Variants in CTPS1 observed in about 807,000 individuals in gnomAD.
The protein encoded by CTPS1 is CTP synthetase 1.
Under a neutral mutation model 80.5 loss-of-function variants are expected in CTPS1, and 25 were observed. That is an observed-to-expected ratio of 0.31 (90% CI 0.23 to 0.43). The LOEUF is 0.43. Among genes scored for constraint, CTPS1 ranks in the 20% least tolerant of loss-of-function variants. CTPS1 has a pLI of 1.00. For synonymous variants in CTPS1, 267 were observed against 252.5 expected (o/e 1.06, Z -0.54); for missense variants, 442 against 725.7 (o/e 0.61, Z 4.49).
At chr1:41,009,978 CT>C (rs1643128594) in intron 17 of CTPS1, among the ~76,000 whole-genome samples, 182 bp from the exon 18 acceptor site, 1 of 152,212 alleles carries the variant, frequency 6.6e-6, no homozygotes, top group African/African-American at 2.4e-5. Context: ...GAATGTATAT[CT>C]TTTGTAGCTA....
chr1:40,985,534 A>T (rs56770595), intron 3 of CTPS1, among the ~76,000 whole-genome samples: 9 of 152,046 alleles, frequency 5.9e-5, no homozygotes, highest in Non-Finnish European at 7.4e-5. Context: ...GTTTTGTACA[A>T]ACATTCATTT....
At chr1:40,998,630 T>C (rs1475420137) in intron 9 of CTPS1, among the ~76,000 whole-genome samples, 1 of 152,170 alleles carries the variant, frequency 6.6e-6, no homozygotes, top group Non-Finnish European at 1.5e-5. Flanking sequence ...TGGTAAGCAC[T>C]ATGTCAGCTG....
intron 3 of CTPS1, among the ~76,000 whole-genome samples, chr1:40,987,106 C>G (rs1045593900): frequency 6.6e-6 from 1 of 152,208 alleles, no homozygotes; most frequent in African/African-American, 2.4e-5. Flanking sequence ...TGCACAGGGG[C>G]ACGTGCGCCT....
chr1:40,990,526 T>C (rs1019775888), intron 5 of CTPS1, among the ~76,000 whole-genome samples: 2 of 152,122 alleles, frequency 1.3e-5, no homozygotes, highest in Admixed American at 6.6e-5. Flanking sequence ...GGCTCACACC[T>C]GTTATCTCAG....
chr1:41,007,559 CA>C lies in CTPS1; in HGVS notation c.1393+15del. ...ACTCAGTCATGAGTAAGAGCTGCCT[CA>C]CGCTGGCCCAGCCTTTGGCTCTGCG... On this transcript the variant is annotated intron_variant, in intron 14 of 18. Transcript: ENST00000650070. This position sits in a 1 kb window ranked among gnomAD's most constrained non-coding sequence, Gnocchi z 4.4. 6.2e-7 allele frequency: 1 copy of C among 1,610,290 alleles called. No homozygotes were observed.
intron 12 of CTPS1, among the ~76,000 whole-genome samples, chr1:41,004,610 C>A (rs958301494): frequency 6.6e-6 from 1 of 152,128 alleles, no homozygotes; most frequent in African/African-American, 2.4e-5. Context: ...TCACATAGTA[C>A]CAGGAACTTG....
rs375949918 is a variant in CTPS1 at position 41,007,597 on chromosome 1, C to T, written c.1393+52C>T. On this transcript the variant is annotated intron_variant, in intron 14 of 18. Coordinates refer to ENST00000650070, the MANE Select transcript of CTPS1 (RefSeq NM_001905.4). The surrounding 1 kb of genome is among the most constrained non-coding windows in gnomAD (Gnocchi z 4.4). The stretch of plus-strand genomic sequence containing the variant: ...CCTTTGGCTCTGCGTGCCCAGGACG[C>T]GTGTCTTAGGGTGATGCTGTGGCTT... The T allele has an allele frequency of 1.3e-5, 20 of 1,504,092 alleles. No individual in the cohort carries two copies. The African/African-American group carries it at 1.9e-4, about 14-fold the overall frequency. 93.2% of individuals were successfully genotyped at this position (1,504,092 alleles called of 1,614,324 possible). A position where few individuals can be genotyped will look rare whatever the true frequency, so the allele number is the denominator to read the frequency against.
intron 5 of CTPS1, among the ~76,000 whole-genome samples, chr1:40,988,987 T>C (rs1171012523): frequency 6.6e-6 from 1 of 152,230 alleles, no homozygotes; most frequent in Non-Finnish European, 1.5e-5. Flanking sequence ...AGAGGCTGTT[T>C]TTAAAGACAA....
At chr1:41,003,456 A>G (rs928239898) in intron 12 of CTPS1, among the ~76,000 whole-genome samples, 8 of 152,130 alleles carry the variant, frequency 5.3e-5, no homozygotes, top group Non-Finnish European at 8.8e-5. Context: ...CACCATCCTG[A>G]AGCTGGTGCC....
At chr1:41,002,483 A>G (rs1206926608) in intron 11 of CTPS1, among the ~76,000 whole-genome samples, 1 of 152,182 alleles carries the variant, frequency 6.6e-6, no homozygotes, top group African/African-American at 2.4e-5. Flanking sequence ...GAGAGAATGA[A>G]TTGTGAATTC....
intron 1 of CTPS1, 84 bp from the exon 2 acceptor site, chr1:40,983,194 A>T: frequency 8.6e-7 from 1 of 1,161,572 alleles, no homozygotes; most frequent in Non-Finnish European, 1.2e-6. Flanking sequence ...CATAGCTAAT[A>T]ATTGGCAGAG....
chr1:40,991,888 T>A (rs745857706), intron 7 of CTPS1, 43 bp downstream of exon 7: 3 of 1,442,994 alleles, frequency 2.1e-6, no homozygotes, highest in South Asian at 1.1e-5. Flanking sequence ...TTTTTGCTTC[T>A]AATTGTCCTA....
chr1:40,996,882 C>T (rs1020836673), intron 8 of CTPS1, among the ~76,000 whole-genome samples: 6 of 152,182 alleles, frequency 3.9e-5, no homozygotes, highest in South Asian at 2.1e-4. Flanking sequence ...CTTGCCTTCA[C>T]CCCATTAATT....
chr1:41,010,072 G>C, intron 17 of CTPS1, 89 bp from the exon 18 acceptor site: 1 of 779,336 alleles, frequency 1.3e-6, no homozygotes, highest in Non-Finnish European at 2.2e-6. Flanking sequence ...GTGCAGGCAA[G>C]TGTCCCTGTA....
intron 12 of CTPS1, chr1:41,003,944 C>T (rs1412582987): frequency 6.6e-6 from 1 of 152,330 alleles, no homozygotes; most frequent in Admixed American, 6.5e-5. Flanking sequence ...CCTAGTGGCT[C>T]ATCATTCATT....
At chr1:41,009,274 G>C (rs1291050435) in intron 16 of CTPS1, among the ~76,000 whole-genome samples, 171 bp from the exon 17 acceptor site, 1 of 152,218 alleles carries the variant, frequency 6.6e-6, no homozygotes, top group Non-Finnish European at 1.5e-5. Flanking sequence ...TGCTGAGAAA[G>C]GGTATCAGAT....
chr1:40,980,785 T>G (rs1276941099), intron 1 of CTPS1: 1 of 152,356 alleles, frequency 6.6e-6, no homozygotes, highest in African/African-American at 2.4e-5. Context: ...CATGCCAGTT[T>G]GCACATGATC....
chr1:40,987,335 A>T, intron 3 of CTPS1, 37 bp from the exon 4 acceptor site: 4 of 1,461,174 alleles, frequency 2.7e-6, no homozygotes, highest in Non-Finnish European at 3.8e-6. Context: ...ATGTAGATGG[A>T]CAAGCGTAAG....
chr1:41,010,098 A>G lies in CTPS1; in HGVS notation c.1692-63A>G, dbSNP rs531939075. Reference sequence around the variant, plus strand: ...TGTCCCTGTAGGAACCGTGGTTACAAAAACAGGGACGTAAAGTGAGTTTTT... The same window carrying G: ...TGTCCCTGTAGGAACCGTGGTTACAGAAACAGGGACGTAAAGTGAGTTTTT... On this transcript the variant is annotated intron_variant, in intron 17 of 18. Transcript: ENST00000650070. The G allele has an allele frequency of 8.0e-4, 958 of 1,202,954 alleles. 16 individuals are homozygous for G. In the South Asian group the frequency reaches 0.012, roughly 15 times the overall value. 74.5% of individuals were successfully genotyped at this position (1,202,954 alleles called of 1,614,324 possible).
Sources: allele counts gnomAD v4.1 joint callset (sites outside exome capture counted in the v4.1 genomes callset), GRCh38; gene constraint gnomAD v4.1.1; non-coding constraint Gnocchi (gnomAD v3.1); transcripts MANE v1.5; gene names NCBI Gene and HGNC (gene_info 2026-07-23, HGNC 2026-07-21).